Variants in AKAP19 observed in about 807,000 individuals in gnomAD.
AKAP19 encodes small A-kinase anchoring protein.
the AKAP19 span, among the ~76,000 whole-genome samples, chr2:189,949,327 G>A: frequency 6.6e-6 from 1 of 152,064 alleles, no homozygotes; most frequent in Admixed American, 6.5e-5. Flanking sequence ...GCCAAGGCGA[G>A]TGGATCACGA....
chr2:190,011,224 A>C, the AKAP19 span, among the ~76,000 whole-genome samples: 1 of 151,630 alleles, frequency 6.6e-6, no homozygotes, highest in Non-Finnish European at 1.5e-5. Flanking sequence ...CATCCAGCTA[A>C]TTTTTTGTAT....
chr2:189,915,646 C>T, the AKAP19 span, among the ~76,000 whole-genome samples: 4 of 152,168 alleles, frequency 2.6e-5, no homozygotes, highest in African/African-American at 4.8e-5. Flanking sequence ...CAGATGGTTA[C>T]TTAAATATAG....
At chr2:189,959,457 C>A in the AKAP19 span, among the ~76,000 whole-genome samples, 1 of 151,612 alleles carries the variant, frequency 6.6e-6, no homozygotes, top group East Asian at 1.9e-4. Flanking sequence ...GATTTTTTTT[C>A]AGAATTATAG....
At chr2:189,908,904 T>G in the AKAP19 span, among the ~76,000 whole-genome samples, 2 of 152,124 alleles carry the variant, frequency 1.3e-5, no homozygotes, top group African/African-American at 4.8e-5. Flanking sequence ...GTCCAGTGTT[T>G]CCTTATTCAT....
the AKAP19 span, among the ~76,000 whole-genome samples, chr2:190,022,881 G>C: frequency 2.8e-4 from 42 of 152,108 alleles, 1 homozygote; most frequent in African/African-American, 9.4e-4. Flanking sequence ...GCTGGTTCTA[G>C]GTAAGTAGAA....
the AKAP19 span, among the ~76,000 whole-genome samples, chr2:190,052,620 C>T: frequency 6.6e-6 from 1 of 152,114 alleles, no homozygotes; most frequent in Middle Eastern, 3.4e-3. Flanking sequence ...GATCTATGGC[C>T]CAAACCGCAT....
At chr2:189,888,250 A>G in the AKAP19 span, among the ~76,000 whole-genome samples, 1 of 152,218 alleles carries the variant, frequency 6.6e-6, no homozygotes, top group Non-Finnish European at 1.5e-5. Flanking sequence ...TTTATCAAAG[A>G]TCAAATGGTT....
chr2:190,021,797 T>C, the AKAP19 span, among the ~76,000 whole-genome samples: 1 of 152,224 alleles, frequency 6.6e-6, no homozygotes, highest in Admixed American at 6.5e-5. Context: ...TTCCTCCTCA[T>C]ATTATCCTTT....
chr2:189,961,554 A>G, the AKAP19 span, among the ~76,000 whole-genome samples: 4 of 152,226 alleles, frequency 2.6e-5, no homozygotes, highest in East Asian at 7.7e-4. Context: ...ATAGGTCAAA[A>G]TTATGGTTTA....
the AKAP19 span, among the ~76,000 whole-genome samples, chr2:190,054,280 T>C: frequency 6.6e-6 from 1 of 152,162 alleles, no homozygotes; most frequent in South Asian, 2.1e-4. Flanking sequence ...GAAAACTGGC[T>C]AGCCATATGT....
the AKAP19 span, among the ~76,000 whole-genome samples, chr2:189,985,004 A>G: frequency 6.6e-6 from 1 of 152,052 alleles, no homozygotes; most frequent in African/African-American, 2.4e-5. Flanking sequence ...CCTTGGGAAA[A>G]TCTCAAATTG....
chr2:190,179,892 A>C, the AKAP19 span, among the ~76,000 whole-genome samples: 2 of 152,188 alleles, frequency 1.3e-5, no homozygotes, highest in East Asian at 3.8e-4. The surrounding 1 kb of genome is among the most constrained non-coding windows in gnomAD (Gnocchi z 6.0). Context: ...GTTCTTTTGT[A>C]GTTCTCTTGG....
the AKAP19 span, among the ~76,000 whole-genome samples, chr2:190,034,498 G>C: frequency 6.9e-6 from 1 of 144,184 alleles, no homozygotes; most frequent in African/African-American, 2.6e-5. Flanking sequence ...GATCATTTAA[G>C]GGCTGTAAGC....
the AKAP19 span, among the ~76,000 whole-genome samples, chr2:190,019,049 G>A: frequency 4.6e-5 from 7 of 152,306 alleles, no homozygotes; most frequent in African/African-American, 1.7e-4. Flanking sequence ...CAGTAAAATA[G>A]GGTTGCAGGC....
the AKAP19 span, among the ~76,000 whole-genome samples, chr2:190,054,134 G>GT: frequency 6.6e-6 from 1 of 152,068 alleles, no homozygotes; most frequent in Non-Finnish European, 1.5e-5. Flanking sequence ...AGTAGAACTT[G>GT]TAACTCTAGG....
At chr2:189,969,502 G>C in the AKAP19 span, among the ~76,000 whole-genome samples, 1 of 151,928 alleles carries the variant, frequency 6.6e-6, no homozygotes, top group Admixed American at 6.6e-5. Flanking sequence ...AGGCTGAGGC[G>C]GGTGGATCAC....
chr2:190,130,588 A>G, the AKAP19 span, among the ~76,000 whole-genome samples: 1 of 152,162 alleles, frequency 6.6e-6, no homozygotes, highest in Non-Finnish European at 1.5e-5. Context: ...CCTCATGTAA[A>G]TGTTTTAGGA....
At chr2:190,016,125 A>G in the AKAP19 span, among the ~76,000 whole-genome samples, 2 of 152,222 alleles carry the variant, frequency 1.3e-5, no homozygotes, top group Non-Finnish European at 2.9e-5. Context: ...CCAGTTCCAA[A>G]GTCTCTTCCA....
At chr2:190,021,497 G>A in the AKAP19 span, among the ~76,000 whole-genome samples, 37 of 152,186 alleles carry the variant, frequency 2.4e-4, no homozygotes, top group Non-Finnish European at 7.3e-5. Flanking sequence ...GAGGGTCACT[G>A]TTCTGGTCAC....
Sources: allele counts gnomAD v4.1 joint callset (sites outside exome capture counted in the v4.1 genomes callset), GRCh38; gene constraint gnomAD v4.1.1; non-coding constraint Gnocchi (gnomAD v3.1); transcripts MANE v1.5; gene names NCBI Gene and HGNC (gene_info 2026-07-23, HGNC 2026-07-21).